Variants in SPOCK1 observed in about 807,000 individuals in gnomAD.
SPOCK1 encodes testican-1.
In SPOCK1, 23 loss-of-function variants were observed where a neutral mutation model predicts 55.3. The ratio of observed to expected loss-of-function variants is 0.42; its 90% CI spans 0.30 to 0.59. The LOEUF (loss-of-function observed/expected upper bound fraction) is 0.59. SPOCK1 is among the 20% of genes least tolerant of loss of function. The pLI is 0.22. For missense variants in SPOCK1, 499 were observed against 552.5 expected (o/e 0.90, Z 0.97); for synonymous variants, 226 against 221.0 (o/e 1.02, Z -0.20).
rs779703789 is a variant in SPOCK1, at chr5:137,365,592, A to T, written c.187-98537T>A. ...TCTCCCTTTTGAAAAAACAATTGTG[A>T]AGCAATCTGCCTCCTAATCCATTCA... On this transcript the variant is annotated intron_variant, in intron 2 of 10. Transcript: ENST00000394945. 4.6e-5 allele frequency: 7 copies of T among 152,188 alleles called. 1 individual carries two copies. Among genetic ancestry groups the T allele is most frequent in the African/African-American group, 9.7e-5 (4 of 41,442 alleles). The allele number at this position is 152,188 out of a possible 1,614,324, so 9.4% of individuals were successfully genotyped here.
intron 2 of SPOCK1, among the ~76,000 whole-genome samples, chr5:137,286,290 T>C (rs1448569368): frequency 1.3e-5 from 2 of 152,200 alleles, no homozygotes; most frequent in Non-Finnish European, 2.9e-5. Flanking sequence ...GGCAACTCTC[T>C]TCTCAGAAAA....
At chr5:137,245,715 A>T (rs1000638782) in intron 3 of SPOCK1, among the ~76,000 whole-genome samples, 19 of 151,568 alleles carry the variant, frequency 1.3e-4, no homozygotes, top group African/African-American at 4.4e-4. Context: ...CCAATCATGA[A>T]TTCTCTGCAG....
chr5:137,285,576 C>T (rs575965813), intron 2 of SPOCK1, among the ~76,000 whole-genome samples: 6 of 152,190 alleles, frequency 3.9e-5, no homozygotes, highest in African/African-American at 7.2e-5. Context: ...TATTAGAAAT[C>T]ATCAAGAGCC....
chr5:137,342,615 G>C (rs531985946), intron 2 of SPOCK1, among the ~76,000 whole-genome samples: 1 of 152,296 alleles, frequency 6.6e-6, no homozygotes, highest in East Asian at 1.9e-4. Context: ...GAGACAGTAG[G>C]TTCCTGGAAG....
intron 3 of SPOCK1, among the ~76,000 whole-genome samples, chr5:137,158,563 G>A (rs1008011374): frequency 4.6e-5 from 7 of 152,186 alleles, no homozygotes; most frequent in African/African-American, 1.7e-4. Flanking sequence ...TGAAGGCTCT[G>A]AGTGATTGGG....
intron 9 of SPOCK1, among the ~76,000 whole-genome samples, chr5:136,982,465 G>C (rs76980552): frequency 1.2e-3 from 181 of 152,240 alleles, no homozygotes; most frequent in African/African-American, 4.2e-3. Context: ...CACCATATCT[G>C]TTTCCTACTT....
intron 2 of SPOCK1, among the ~76,000 whole-genome samples, chr5:137,381,679 G>A (rs1751472428): frequency 3.9e-5 from 6 of 152,232 alleles, no homozygotes; most frequent in Admixed American, 3.3e-4. Flanking sequence ...TGGCTGGGAT[G>A]TAGGGCGCCA....
rs1256965827 is a variant in SPOCK1, at chr5:137,209,817, G to T, written c.232+57193C>A. Among the ~76,000 whole-genome samples the T allele has an allele frequency of 3.3e-5, 5 of 152,138 alleles. No homozygotes were observed. In the East Asian group the frequency reaches 5.8e-4, roughly 18 times the overall value. ...TTAAAAGAGGCACACAATATGCTTG[G>T]TATACAAATATAAAACCACAGGAAG... On this transcript the variant is annotated intron_variant, in intron 3 of 10. Coordinates refer to ENST00000394945, the MANE Select transcript of SPOCK1 (RefSeq NM_004598.4).
chr5:137,439,901 A>G (rs1752955943), intron 2 of SPOCK1, among the ~76,000 whole-genome samples: 2 of 152,202 alleles, frequency 1.3e-5, no homozygotes, highest in African/African-American at 2.4e-5. Flanking sequence ...CCTACAGTGA[A>G]GCTCAGTGTC....
intron 2 of SPOCK1, among the ~76,000 whole-genome samples, chr5:137,287,138 C>T (rs1757282997): frequency 6.6e-6 from 1 of 152,190 alleles, no homozygotes; most frequent in South Asian, 2.1e-4. Context: ...CAGACCATTG[C>T]CTCCAAAGTC....
intron 2 of SPOCK1, among the ~76,000 whole-genome samples, chr5:137,387,910 T>C (rs933888768): frequency 6.6e-6 from 1 of 152,154 alleles, no homozygotes; most frequent in Non-Finnish European, 1.5e-5. Context: ...GTGAGCTATA[T>C]ACAGTTTGTA....
At chr5:137,179,741 C>A (rs1010001375) in intron 3 of SPOCK1, among the ~76,000 whole-genome samples, 2 of 152,152 alleles carry the variant, frequency 1.3e-5, no homozygotes, top group African/African-American at 4.8e-5. Context: ...TAATGACTTG[C>A]CAGTCATGAG....
intron 2 of SPOCK1, among the ~76,000 whole-genome samples, chr5:137,429,523 T>C (rs768612035): frequency 4.0e-4 from 61 of 152,190 alleles, no homozygotes; most frequent in Non-Finnish European, 8.2e-4. Context: ...ACATGCTCAG[T>C]ACAACGGCCT....
intron 2 of SPOCK1, among the ~76,000 whole-genome samples, chr5:137,286,786 G>A (rs2127128317): frequency 6.6e-6 from 1 of 152,294 alleles, no homozygotes. Flanking sequence ...CCTTAGGATA[G>A]AATTTTGCAG....
In SPOCK1 at chr5:137,023,544, C is replaced by T. The variant is rs114938795; in HGVS notation, c.590-30944G>A. 4.2e-3 allele frequency among the ~76,000 whole-genome samples: 646 copies of T among 152,054 alleles called. 7 individuals are homozygous for T. Among genetic ancestry groups the T allele is most frequent in the African/African-American group, 0.015 (623 of 41,464 alleles). On this transcript the variant is annotated intron_variant, in intron 6 of 10. Coordinates refer to ENST00000394945, the MANE Select transcript of SPOCK1 (RefSeq NM_004598.4). ...AATCTGAAACACATAAAACATGCTC[C>T]GAGAAAAGTGACATGAAAAGTGTGA...
At chr5:137,342,557 T>C (rs1160729502) in intron 2 of SPOCK1, among the ~76,000 whole-genome samples, 1 of 152,236 alleles carries the variant, frequency 6.6e-6, no homozygotes, top group Non-Finnish European at 1.5e-5. Flanking sequence ...CGATTTCCAC[T>C]AGAAGAATGT....
At chr5:137,093,343 A>G (rs1332597589) in intron 5 of SPOCK1, among the ~76,000 whole-genome samples, 2 of 152,216 alleles carry the variant, frequency 1.3e-5, no homozygotes, top group African/African-American at 4.8e-5. Context: ...CTGGACTAAA[A>G]TAAATCCAAT....
chr5:137,368,868 C>T (rs555833258), intron 2 of SPOCK1, among the ~76,000 whole-genome samples: 28 of 152,358 alleles, frequency 1.8e-4, no homozygotes, highest in African/African-American at 6.0e-4. Context: ...AAAATGGCCT[C>T]ATGCCTGCCT....
intron 3 of SPOCK1, among the ~76,000 whole-genome samples, chr5:137,193,403 T>A (rs1755227915): frequency 6.6e-6 from 1 of 152,144 alleles, no homozygotes; most frequent in Non-Finnish European, 1.5e-5. Flanking sequence ...GATGTCCAGT[T>A]TTCTAGCTAT....
Sources: allele counts gnomAD v4.1 joint callset (sites outside exome capture counted in the v4.1 genomes callset), GRCh38; gene constraint gnomAD v4.1.1; transcripts MANE v1.5; gene names NCBI Gene and HGNC (gene_info 2026-07-23, HGNC 2026-07-21).